Variants in MLLT3 observed in about 807,000 individuals in gnomAD.
The protein encoded by MLLT3 is MLLT3 super elongation complex subunit.
Under a neutral mutation model 53.2 loss-of-function variants are expected in MLLT3, and 4 were observed. The observed-to-expected ratio is 0.08, with a 90% CI of 0.04 to 0.17. The LOEUF (loss-of-function observed/expected upper bound fraction) is 0.17, where lower values mean the gene tolerates loss of function less well. MLLT3 is among the 10% of genes least tolerant of loss of function. The pLI is 1.00. For missense variants in MLLT3, 569 were observed against 684.0 expected, an observed-to-expected ratio of 0.83 and a Z score of 1.87; for synonymous variants, 283 against 230.6, an observed-to-expected ratio of 1.23 and a Z score of -2.06.
At position 20,351,272 on chromosome 9, in the gene MLLT3, TA is replaced by T. The variant is rs1218541499; in HGVS notation, c.1575+2252del. Among the ~76,000 whole-genome samples the T allele has an allele frequency of 3.3e-5, 5 of 152,346 alleles. No individual in the cohort carries two copies. In the South Asian group the frequency reaches 6.2e-4, roughly 19 times the overall value. Reference sequence around the variant, plus strand: ...GAATGACGGCTGGCTTCTAAATTGCTAAACTACTCTCTTAGGAAACCTGGTT... The same window carrying T: ...GAATGACGGCTGGCTTCTAAATTGCTAACTACTCTCTTAGGAAACCTGGTT... On this transcript the variant is annotated intron_variant, in intron 10 of 10. Coordinates refer to ENST00000380338, the MANE Select transcript of MLLT3 (RefSeq NM_004529.4).
intron 5 of MLLT3, among the ~76,000 whole-genome samples, chr9:20,366,879 A>T (rs1208107169): frequency 6.6e-6 from 1 of 152,234 alleles, no homozygotes; most frequent in Non-Finnish European, 1.5e-5. Flanking sequence ...AGATACCTTG[A>T]TTACCCTTTC....
chr9:20,461,914 G>A (rs1824118551), intron 2 of MLLT3, among the ~76,000 whole-genome samples: 1 of 152,130 alleles, frequency 6.6e-6, no homozygotes, highest in African/African-American at 2.4e-5. Flanking sequence ...TATATAGACT[G>A]GTTATTACTA....
chr9:20,590,345 G>C (rs963914201), intron 2 of MLLT3, among the ~76,000 whole-genome samples: 1 of 152,188 alleles, frequency 6.6e-6, no homozygotes, highest in East Asian at 1.9e-4. Context: ...TGGGTTGCAT[G>C]TGTCCCCTAT....
intron 2 of MLLT3, among the ~76,000 whole-genome samples, chr9:20,524,528 TA>T (rs111687220): frequency 1.3e-4 from 19 of 151,764 alleles, no homozygotes; most frequent in Admixed American, 6.6e-5. Flanking sequence ...TAACTTTTTT[TA>T]AAAAAAATGA....
chr9:20,347,698 G>A (rs1342017388), intron 10 of MLLT3, among the ~76,000 whole-genome samples: 1 of 152,108 alleles, frequency 6.6e-6, no homozygotes, highest in Non-Finnish European at 1.5e-5. Flanking sequence ...GTTAGTATCA[G>A]GGCAATAAAA....
At chr9:20,563,140 G>GA (rs1386811228) in intron 2 of MLLT3, among the ~76,000 whole-genome samples, 1 of 152,018 alleles carries the variant, frequency 6.6e-6, no homozygotes, top group African/African-American at 2.4e-5. Context: ...GAATTCAAAG[G>GA]AAAAAATTTA....
chr9:20,608,481 T>C (rs934817234), intron 2 of MLLT3, among the ~76,000 whole-genome samples: 6 of 151,956 alleles, frequency 3.9e-5, no homozygotes, highest in African/African-American at 1.4e-4. Flanking sequence ...CCTATATGAA[T>C]ACACATTTAT....
At chr9:20,568,975 A>T (rs879282594) in intron 2 of MLLT3, among the ~76,000 whole-genome samples, 5 of 152,154 alleles carry the variant, frequency 3.3e-5, no homozygotes, top group African/African-American at 7.2e-5. Flanking sequence ...AATAGGAGAG[A>T]AAATTCCCAA....
chr9:20,397,093 G>A (rs1340631743), intron 5 of MLLT3, among the ~76,000 whole-genome samples: 2 of 152,096 alleles, frequency 1.3e-5, no homozygotes, highest in Non-Finnish European at 2.9e-5. Flanking sequence ...CATTATCTAC[G>A]ATCATCATTT....
chr9:20,584,318 C>G (rs1819890025), intron 2 of MLLT3, among the ~76,000 whole-genome samples: 1 of 152,192 alleles, frequency 6.6e-6, no homozygotes, highest in Non-Finnish European at 1.5e-5. Context: ...AAGTTCCAAA[C>G]TTACCCACAT....
chr9:20,528,213 T>C (rs1333363293), intron 2 of MLLT3, among the ~76,000 whole-genome samples: 1 of 152,272 alleles, frequency 6.6e-6, no homozygotes, highest in Non-Finnish European at 1.5e-5. Flanking sequence ...ATTATGGCTA[T>C]ACCACTGGGT....
At chr9:20,401,714 C>T (rs1822461554) in intron 5 of MLLT3, among the ~76,000 whole-genome samples, 1 of 152,162 alleles carries the variant, frequency 6.6e-6, no homozygotes, top group Non-Finnish European at 1.5e-5. Context: ...TAATAACTGC[C>T]ATTTATATCT....
intron 3 of MLLT3, among the ~76,000 whole-genome samples, chr9:20,456,470 A>G (rs915164206): frequency 1.3e-5 from 2 of 152,288 alleles, no homozygotes; most frequent in African/African-American, 4.8e-5. Context: ...CCTCTCTTTA[A>G]AGGAACACTT....
intron 2 of MLLT3, among the ~76,000 whole-genome samples, chr9:20,600,759 T>C (rs1456558009): frequency 6.6e-6 from 1 of 152,186 alleles, no homozygotes; most frequent in Non-Finnish European, 1.5e-5. Context: ...TCCACTTCTT[T>C]TATCCTACCC....
At chr9:20,401,032 C>G (rs1047540702) in intron 5 of MLLT3, among the ~76,000 whole-genome samples, 3 of 151,938 alleles carry the variant, frequency 2.0e-5, no homozygotes, top group Non-Finnish European at 4.4e-5. Context: ...CCAAACTAAG[C>G]GCTGAATAGA....
intron 2 of MLLT3, among the ~76,000 whole-genome samples, chr9:20,560,887 C>T (rs201375654): frequency 2.0e-5 from 3 of 152,024 alleles, no homozygotes; most frequent in African/African-American, 4.8e-5. Context: ...GTGTCATCAC[C>T]TTGCATGCTT....
At chr9:20,498,215 G>A (rs1054186376) in intron 2 of MLLT3, among the ~76,000 whole-genome samples, 4 of 104,436 alleles carry the variant, frequency 3.8e-5, no homozygotes, top group Admixed American at 2.8e-4. Context: ...GTGACAGAGC[G>A]AGACGCTGTC....
At chr9:20,556,917 C>G (rs1385264285) in intron 2 of MLLT3, among the ~76,000 whole-genome samples, 1 of 152,048 alleles carries the variant, frequency 6.6e-6, no homozygotes, top group Non-Finnish European at 1.5e-5. Flanking sequence ...TATTTTGAAA[C>G]AACCTAAGTT....
intron 5 of MLLT3, among the ~76,000 whole-genome samples, chr9:20,395,115 C>A (rs1274279083): frequency 2.0e-5 from 3 of 152,148 alleles, no homozygotes; most frequent in Admixed American, 6.6e-5. Flanking sequence ...GAATTAGTCA[C>A]TGCCCTTCCC....
Sources: gnomAD v4.1 joint callset for allele counts (sites outside exome capture counted in the v4.1 genomes callset) on GRCh38, gnomAD v4.1.1 for gene constraint, MANE v1.5 for transcripts, NCBI Gene and HGNC (gene_info 2026-07-23, HGNC 2026-07-21) for gene names.